Variants in PRPF3 observed in about 807,000 individuals in gnomAD.
PRPF3 encodes the protein U4/U6 small nuclear ribonucleoprotein Prp3.
In PRPF3, 3 loss-of-function variants were observed where a neutral mutation model predicts 89.2. The observed-to-expected ratio is 0.03, with a 90% CI of 0.02 to 0.09. The LOEUF (loss-of-function observed/expected upper bound fraction) is 0.09. Among genes scored for constraint, PRPF3 ranks in the 10% least tolerant of loss-of-function variants. The pLI is 1.00. For synonymous variants in PRPF3, 270 were observed against 289.1 expected (o/e 0.93, Z 0.67); for missense variants, 463 against 828.8 (o/e 0.56, Z 5.42).
At position 150,353,036 on chromosome 1, in the gene PRPF3, T is replaced by G. The variant is rs921689712; in HGVS notation, c.*57T>G. On this transcript the variant is annotated 3_prime_UTR_variant, in exon 16 of 16. Coordinates refer to ENST00000324862, the MANE Select transcript of PRPF3 (RefSeq NM_004698.4). ...GCCTTTGTCTCTTCAGTCCTCTCAC[T>G]TATTCTATTTCCCAACCCCCTCCCA... The G allele has an allele frequency of 5.6e-6, 9 of 1,607,024 alleles. No individual in the cohort carries two copies. Among genetic ancestry groups the G allele is most frequent in the Non-Finnish European group, 7.7e-6 (9 of 1,174,356 alleles).
rs71083901 is a variant in PRPF3 at position 150,323,173 on chromosome 1, C to CTTTTTTTTTTTTTTTT, written c.-49+1590_-49+1605dup. On this transcript the variant is annotated intron_variant, in intron 1 of 15. Transcript: ENST00000324862. ...TACAGGCGTGAGCCACCGCACCTGGCTTTTTTTTTTTTTTTTTTTTTTTTG... is the reference window on the plus strand; with the variant it reads ...TACAGGCGTGAGCCACCGCACCTGGCTTTTTTTTTTTTTTTTTTTTTTTTTTTTTTTTTTTTTTTTG... 1.4e-4 allele frequency among the ~76,000 whole-genome samples: 7 copies of CTTTTTTTTTTTTTTTT among 48,286 alleles called. 1 individual carries two copies. Among genetic ancestry groups the CTTTTTTTTTTTTTTTT allele is most frequent in the African/African-American group, 5.8e-4 (6 of 10,350 alleles). The allele number at this position is 48,286 out of a possible 152,430, so 31.7% of individuals were successfully genotyped here.
intron 15 of PRPF3, among the ~76,000 whole-genome samples, chr1:150,350,227 G>A (rs1235026160): frequency 8.8e-6 from 1 of 113,610 alleles, no homozygotes; most frequent in Non-Finnish European, 1.8e-5. Flanking sequence ...TTTTGAGAGA[G>A]TTTTGCCCTT....
intron 13 of PRPF3, 100 bp downstream of exon 13, chr1:150,346,236 C>T: frequency 7.9e-7 from 1 of 1,263,662 alleles, no homozygotes; most frequent in Non-Finnish European, 1.2e-6. Context: ...TATTTTAGTG[C>T]CATACCTGAT....
intron 3 of PRPF3, chr1:150,327,666 C>CT: frequency 1.0e-6 from 1 of 981,644 alleles, no homozygotes; most frequent in Non-Finnish European, 1.2e-6. Flanking sequence ...TGTACATTTG[C>CT]TTTTTCCCAT....
rs587634151 is a variant in PRPF3 at position 150,344,656 on chromosome 1, C to G, written c.1640+109C>G. 10 of 1,188,466 alleles carry G rather than the reference C, an allele frequency of 8.4e-6. No homozygotes were observed. In the African/African-American group the frequency reaches 1.6e-4, roughly 19 times the overall value. The allele number at this position is 1,188,466 out of a possible 1,614,324, so 73.6% of individuals were successfully genotyped here. A position where few individuals can be genotyped will look rare whatever the true frequency, so the allele number is the denominator to read the frequency against. On this transcript the variant is annotated intron_variant, in intron 12 of 15. Coordinates refer to ENST00000324862, the MANE Select transcript of PRPF3 (RefSeq NM_004698.4). ...AAAGCATACCTAACACCAGTTCCTA[C>G]TCTCTTTTAATGACCCTAGTGTGGA...
intron 9 of PRPF3, among the ~76,000 whole-genome samples, chr1:150,342,419 C>T (rs1553871506): frequency 1.3e-5 from 2 of 152,134 alleles, no homozygotes; most frequent in African/African-American, 4.8e-5. Flanking sequence ...AAAACATAGC[C>T]ATATTGCCGG....
chr1:150,338,125 A>G (rs1553868745), intron 7 of PRPF3, 35 bp from the exon 8 acceptor site: 8 of 1,610,880 alleles, frequency 5.0e-6, no homozygotes, highest in South Asian at 2.2e-5. Flanking sequence ...TATGACTCCA[A>G]TTTATCTTTC....
At chr1:150,338,560 G>A (rs1657307670) in intron 8 of PRPF3, among the ~76,000 whole-genome samples, 1 of 149,504 alleles carries the variant, frequency 6.7e-6, no homozygotes, top group Non-Finnish European at 1.5e-5. Context: ...GAGTGCAGTG[G>A]CACGATCTCA....
At chr1:150,332,116 C>T (rs971804408) in intron 4 of PRPF3, among the ~76,000 whole-genome samples, 1 of 151,554 alleles carries the variant, frequency 6.6e-6, no homozygotes, top group Non-Finnish European at 1.5e-5. Context: ...CCCAGCTACT[C>T]GGGATGCTGA....
At chr1:150,340,614 G>A in intron 9 of PRPF3, 137 bp downstream of exon 9, 1 of 732,182 alleles carries the variant, frequency 1.4e-6, no homozygotes, top group South Asian at 1.6e-5. Context: ...TTTTAATTCA[G>A]TTTTTTTCCT....
intron 1 of PRPF3, among the ~76,000 whole-genome samples, chr1:150,323,482 G>A (rs1053438932): frequency 6.6e-6 from 1 of 151,506 alleles, no homozygotes; most frequent in African/African-American, 2.4e-5. Flanking sequence ...TTAAAACTAC[G>A]AAATTGGCCA....
At chr1:150,326,582 C>T (rs1553863851) in intron 3 of PRPF3, among the ~76,000 whole-genome samples, 1 of 152,038 alleles carries the variant, frequency 6.6e-6, no homozygotes, top group Non-Finnish European at 1.5e-5. Context: ...CCTATCAAAC[C>T]TTCCAAAGTT....
Position 150,349,143 on chromosome 1 carries a change from G to T in PRPF3, c.1844-14G>T. The T allele has an allele frequency of 1.9e-6, 3 of 1,610,212 alleles. No individual in the cohort carries two copies. Among genetic ancestry groups the T allele is most frequent in the Non-Finnish European group, 2.5e-6 (3 of 1,176,510 alleles). ...AATCTCAAGTCTAAGTCTGTAACAA[G>T]ATTTCTCTTCCAGATGATGAGGAGT... is the stretch of plus-strand genomic sequence containing the variant. On this transcript the variant is annotated splice_polypyrimidine_tract_variant and intron_variant, in intron 14 of 15. Coordinates refer to ENST00000324862, the MANE Select transcript of PRPF3 (RefSeq NM_004698.4).
chr1:150,340,362 C>A, intron 8 of PRPF3, 36 bp from the exon 9 acceptor site: 1 of 1,411,382 alleles, frequency 7.1e-7, no homozygotes, highest in Non-Finnish European at 1.0e-6. Context: ...CATCTCTACC[C>A]GCATATCGTG....
intron 5 of PRPF3, 55 bp downstream of exon 5, chr1:150,332,822 C>G: frequency 6.3e-7 from 1 of 1,585,336 alleles, no homozygotes; most frequent in Non-Finnish European, 8.6e-7. Context: ...AATTTCTTGC[C>G]ATCCACTCAA....
Position 150,335,105 on chromosome 1 carries a change from A to G in PRPF3, c.899A>G (p.Lys300Arg). The change falls in exon 7 of 16, where the codon AAG becomes AGG. Residue 300 changes from lysine to arginine, a missense_variant. Around this residue, in one of 8 missense-constraint regions of PRPF3, gnomAD observed 261 missense variants for 475.8 expected, o/e 0.55. Transcript: ENST00000324862. Reference protein sequence around the residue: ...REQFKQQLKEKPSEDMESNTF... With the variant: ...REQFKQQLKERPSEDMESNTF... The stretch of plus-strand genomic sequence containing the variant: ...CAATTCAAGCAACAACTAAAGGAAA[A>G]GCCATCAGAAGACATGGAATCCAAT... 1 of 1,614,124 alleles carries G rather than the reference A, an allele frequency of 6.2e-7. No homozygotes were observed. Among genetic ancestry groups the G allele is most frequent in the Non-Finnish European group, 8.5e-7 (1 of 1,180,022 alleles).
At chr1:150,339,739 T>G (rs782047693) in intron 8 of PRPF3, among the ~76,000 whole-genome samples, 1 of 52,412 alleles carries the variant, frequency 1.9e-5, no homozygotes, top group South Asian at 5.4e-4. Flanking sequence ...CGCCTGGCGT[T>G]TTTTTTTTTT....
At chr1:150,322,888 T>C (rs78135518) in intron 1 of PRPF3, among the ~76,000 whole-genome samples, 4 of 150,946 alleles carry the variant, frequency 2.6e-5, no homozygotes, top group African/African-American at 9.7e-5. Context: ...TTTTTTTTTT[T>C]CCCCGGGACG....
chr1:150,336,302 G>T (rs1209238789), intron 7 of PRPF3, among the ~76,000 whole-genome samples: 2 of 152,076 alleles, frequency 1.3e-5, no homozygotes, highest in African/African-American at 4.8e-5. Context: ...TCATGCCACC[G>T]ATGATCTGAC....
Sources: gnomAD v4.1 joint callset for allele counts (sites outside exome capture counted in the v4.1 genomes callset) on GRCh38, gnomAD v4.1.1 for gene constraint, gnomAD v4.1.1 regional missense constraint, MANE v1.5 for transcripts, NCBI Gene and HGNC (gene_info 2026-07-23, HGNC 2026-07-21) for gene names.